PCLO: variants seen among roughly 807,000 people sequenced by gnomAD.
PCLO encodes the protein protein piccolo.
Under a neutral mutation model 427.5 loss-of-function variants are expected in PCLO, and 82 were observed. The observed-to-expected ratio is 0.19, with a 90% CI of 0.16 to 0.23. The LOEUF (loss-of-function observed/expected upper bound fraction) is 0.23, where lower values mean the gene tolerates loss of function less well. Among genes scored for constraint, PCLO ranks in the 10% least tolerant of loss-of-function variants. The pLI is 1.00. For missense variants in PCLO, 6,239 were observed against 6,115.9 expected (o/e 1.02, Z -0.67); for synonymous variants, 2,357 against 2,155.4 (o/e 1.09, Z -2.59).
intron 3 of PCLO, among the ~76,000 whole-genome samples, chr7:83,083,400 T>C (rs143321647): frequency 1.3e-5 from 2 of 152,158 alleles, no homozygotes; most frequent in African/African-American, 4.8e-5. Flanking sequence ...AAATCATTAA[T>C]TATCTGTGGA....
chr7:83,018,173 G>A (rs997664295), intron 3 of PCLO, among the ~76,000 whole-genome samples: 16 of 151,744 alleles, frequency 1.1e-4, no homozygotes, highest in Non-Finnish European at 2.1e-4. Flanking sequence ...TCAATAAATG[G>A]TCACACATTG....
At chr7:82,948,830 C>G (rs1402561943) in intron 6 of PCLO, among the ~76,000 whole-genome samples, 1 of 151,908 alleles carries the variant, frequency 6.6e-6, no homozygotes, top group Non-Finnish European at 1.5e-5. Context: ...TAAGGTTTAC[C>G]TGAGTTTAGA....
chr7:82,983,098 T>C (rs1180013795), intron 3 of PCLO, among the ~76,000 whole-genome samples: 1 of 151,678 alleles, frequency 6.6e-6, no homozygotes, highest in Non-Finnish European at 1.5e-5. Flanking sequence ...AAATTGCTTT[T>C]ATTTATATTT....
chr7:82,773,333 T>C (rs1790684006), intron 22 of PCLO, among the ~76,000 whole-genome samples: 2 of 152,160 alleles, frequency 1.3e-5, no homozygotes, highest in Admixed American at 1.3e-4. Flanking sequence ...ACCTCCAGCT[T>C]CTCCCAGGAG....
At chr7:82,766,973 C>T (rs756939052) in intron 22 of PCLO, among the ~76,000 whole-genome samples, 8 of 152,060 alleles carry the variant, frequency 5.3e-5, no homozygotes, top group East Asian at 1.9e-4. Context: ...CAGGTGGTTG[C>T]GTTAATTGTG....
At chr7:82,850,387 A>G (rs930404187) in intron 10 of PCLO, among the ~76,000 whole-genome samples, 1 of 152,120 alleles carries the variant, frequency 6.6e-6, no homozygotes, top group South Asian at 2.1e-4. Flanking sequence ...ATTTGTTGCA[A>G]AGTCTTTTGC....
intron 3 of PCLO, among the ~76,000 whole-genome samples, chr7:83,008,376 T>C (rs1019821033): frequency 7.2e-5 from 11 of 151,738 alleles, no homozygotes; most frequent in African/African-American, 2.7e-4. Context: ...CTATAACTTG[T>C]GGGAGTAGGA....
chr7:82,766,714 A>T (rs901200781), intron 22 of PCLO, among the ~76,000 whole-genome samples: 18 of 152,046 alleles, frequency 1.2e-4, no homozygotes, highest in African/African-American at 2.2e-4. Context: ...AGCTCAACAC[A>T]CCGCATATGT....
intron 3 of PCLO, among the ~76,000 whole-genome samples, chr7:83,035,844 C>A (rs2116172619): frequency 6.6e-6 from 1 of 152,186 alleles, no homozygotes; most frequent in East Asian, 1.9e-4. Context: ...CTCTCTGATT[C>A]ATTTACTTTT....
At chr7:83,075,500 T>C (rs1789928666) in intron 3 of PCLO, among the ~76,000 whole-genome samples, 1 of 152,152 alleles carries the variant, frequency 6.6e-6, no homozygotes, top group Admixed American at 6.5e-5. Context: ...GTAAAGATAG[T>C]AAACAGCAAA....
chr7:82,890,988 T>C (rs983129795), intron 9 of PCLO, among the ~76,000 whole-genome samples: 3 of 152,114 alleles, frequency 2.0e-5, no homozygotes, highest in Admixed American at 2.0e-4. Flanking sequence ...ATATGATTTA[T>C]TTGGTTGCCT....
At chr7:83,121,462 G>A (rs1328944479) in intron 3 of PCLO, among the ~76,000 whole-genome samples, 1 of 151,984 alleles carries the variant, frequency 6.6e-6, no homozygotes, top group East Asian at 1.9e-4. Context: ...AGAAAAGAAA[G>A]AAGAGAAAAC....
intron 3 of PCLO, among the ~76,000 whole-genome samples, chr7:83,081,365 G>T (rs1583996438): frequency 6.6e-6 from 1 of 151,812 alleles, no homozygotes; most frequent in Admixed American, 6.6e-5. Context: ...ATGTAAAGAT[G>T]AACTTAATGA....
intron 3 of PCLO, among the ~76,000 whole-genome samples, chr7:83,073,419 C>A (rs1789868208): frequency 6.6e-6 from 1 of 151,990 alleles, no homozygotes; most frequent in Non-Finnish European, 1.5e-5. Context: ...ATAATATTTT[C>A]TGCCTTTAAG....
intron 3 of PCLO, among the ~76,000 whole-genome samples, chr7:83,112,039 TTTG>T (rs1791016803): frequency 6.6e-6 from 1 of 151,786 alleles, no homozygotes; most frequent in Non-Finnish European, 1.5e-5. Flanking sequence ...TCTGGGTTTT[TTTG>T]TTGTTTTTTG....
Position 82,915,904 on chromosome 7 carries a change from T to C in PCLO, c.12082A>G (p.Ser4028Gly), listed in dbSNP as rs1425382115. 1.9e-6 allele frequency: 3 copies of C among 1,613,390 alleles called. No homozygotes were observed. The African/African-American group carries it at 4.0e-5, about 22-fold the overall frequency. ...GCATAGAAAGAATCTGCAGATATGC[T>C]TGATATTGGACTGCTTGCCATGCTA... is the stretch of plus-strand genomic sequence containing the variant. ...RSSMASSPISSISADSFYADI... is the reference protein window; with the variant it reads ...RSSMASSPISGISADSFYADI... Residue 4028 changes from serine to glycine, a missense_variant, in exon 7 of 25, where the codon AGC (serine) becomes GGC (glycine). Transcript: ENST00000333891.
At chr7:82,906,062 C>CA (rs1794185392) in intron 8 of PCLO, among the ~76,000 whole-genome samples, 1 of 148,274 alleles carries the variant, frequency 6.7e-6, no homozygotes, top group African/African-American at 2.5e-5. Context: ...TAGGTACACA[C>CA]ACACACATAC....
intron 3 of PCLO, among the ~76,000 whole-genome samples, chr7:83,070,514 A>C (rs1789786509): frequency 1.3e-5 from 2 of 151,444 alleles, no homozygotes; most frequent in South Asian, 4.2e-4. Context: ...CAGCCTCCCG[A>C]GTAGCTGCGA....
intron 3 of PCLO, among the ~76,000 whole-genome samples, chr7:82,996,288 T>C (rs1380788457): frequency 6.6e-6 from 1 of 151,992 alleles, no homozygotes; most frequent in Admixed American, 6.6e-5. Context: ...AAATTTTCTA[T>C]AATTGGCATT....
Sources: gnomAD v4.1 joint callset for allele counts (sites outside exome capture counted in the v4.1 genomes callset) on GRCh38, gnomAD v4.1.1 for gene constraint, MANE v1.5 for transcripts, NCBI Gene and HGNC (gene_info 2026-07-23, HGNC 2026-07-21) for gene names.